The following FBN2 variants were observed in gnomAD, a reference collection of about 807,000 sequenced individuals.
The protein encoded by FBN2 is fibrillin 2.
FBN2 carries 105 observed loss-of-function variants against 355.6 expected under a neutral mutation model. That is an observed-to-expected ratio of 0.30 (90% CI 0.25 to 0.35). FBN2 has a LOEUF of 0.35. FBN2 is among the 10% of genes least tolerant of loss of function. The pLI, the probability that FBN2 is intolerant of heterozygous loss-of-function variation, is 1.00. For synonymous variants in FBN2, 1,350 were observed against 1,301.2 expected (o/e 1.04, Z -0.81); for missense variants, 3,280 against 3,758.7 (o/e 0.87, Z 3.33).
intron 7 of FBN2, among the ~76,000 whole-genome samples, chr5:128,445,871 C>T (rs889972908): frequency 4.6e-5 from 7 of 152,140 alleles, no homozygotes; most frequent in African/African-American, 1.2e-4. Flanking sequence ...TTAAGAACTG[C>T]TAATGGAATT....
intron 6 of FBN2, among the ~76,000 whole-genome samples, chr5:128,455,311 C>T (rs1754351171): frequency 1.3e-5 from 2 of 152,128 alleles, no homozygotes; most frequent in South Asian, 4.2e-4. Flanking sequence ...TATGAGTTAA[C>T]TTTGGTCCTT....
intron 27 of FBN2, among the ~76,000 whole-genome samples, chr5:128,336,436 A>G (rs1750845455): frequency 6.6e-6 from 1 of 152,230 alleles, no homozygotes; most frequent in African/African-American, 2.4e-5. Context: ...CTGAATTTAC[A>G]TAGCCACATA....
intron 4 of FBN2, among the ~76,000 whole-genome samples, chr5:128,521,163 A>G (rs1035036369): frequency 6.6e-6 from 1 of 152,180 alleles, no homozygotes; most frequent in Admixed American, 6.5e-5. Context: ...TGGCACATAC[A>G]CACCATGGAA....
chr5:128,499,523 A>G (rs1439337360), intron 5 of FBN2, among the ~76,000 whole-genome samples: 1 of 152,094 alleles, frequency 6.6e-6, no homozygotes, highest in African/African-American at 2.4e-5. Flanking sequence ...GATTTTTAAA[A>G]ACTCCCTGGT....
At chr5:128,339,326 G>T in intron 25 of FBN2, 1 of 405,630 alleles carries the variant, frequency 2.5e-6, no homozygotes, top group East Asian at 5.5e-5. Context: ...CTTAGAAATC[G>T]TAACAGAAAA....
At chr5:128,311,167 GAA>G (rs3215046) in intron 39 of FBN2, 131 bp downstream of exon 39, 1,473 of 719,136 alleles carry the variant, frequency 2.0e-3, no homozygotes, top group Admixed American at 2.5e-3. Context: ...ACATTGATAT[GAA>G]AAAAAAAAAA....
At chr5:128,290,274 T>C (rs1340360776) in intron 50 of FBN2, among the ~76,000 whole-genome samples, 7 of 152,178 alleles carry the variant, frequency 4.6e-5, no homozygotes, top group Non-Finnish European at 5.9e-5. Context: ...GGAATTATCC[T>C]ATAATTTATG....
Position 128,377,867 on chromosome 5 carries a change from C to G in FBN2, c.1734G>C (p.Glu578Asp), listed in dbSNP as rs371046485. The change falls in exon 13 of 65, where the codon GAG becomes GAC. Residue 578 changes from glutamate to aspartate, a missense_variant. By Grantham distance (45) the Glu-to-Asp change is conservative (BLOSUM62 2). Transcript: ENST00000262464. ...TACAAAGAACCCCATTCTGGATGCA[C>G]TCATCAATATCTAGGAAGATTGAGA... ...PTKQACIDIDECIQNGVLCKN... is the reference protein window; with the variant it reads ...PTKQACIDIDDCIQNGVLCKN... 7.9e-5 allele frequency: 127 copies of G among 1,613,166 alleles called. No individual in the cohort carries two copies. In the Middle Eastern group the frequency reaches 1.6e-3, roughly 21 times the overall value.
Position 128,537,593 on chromosome 5 carries a change from C to T in FBN2, c.11G>A (p.Arg4Lys), listed in dbSNP as rs2112811246. 1.2e-6 allele frequency: 2 copies of T among 1,607,842 alleles called. No individual in the cohort carries two copies. The highest frequency in any genetic ancestry group is 2.2e-5 in the East Asian group (1 of 44,694). The change falls in exon 1 of 65, where the codon AGA becomes AAA. Residue 4 changes from arginine to lysine, a missense_variant. By Grantham distance (26) the Arg-to-Lys change is conservative. Transcript: ENST00000262464. MGR[R>K]RRLCLQLYFL... ...GTAGAGCTGGAGACACAGCCTCCGTCTTCTCCCCATCGCCGGCGCCGAAAG... is the reference window on the plus strand; with the variant it reads ...GTAGAGCTGGAGACACAGCCTCCGTTTTCTCCCCATCGCCGGCGCCGAAAG...
intron 33 of FBN2, 35 bp downstream of exon 33, chr5:128,330,538 A>G: frequency 6.2e-7 from 1 of 1,612,046 alleles, no homozygotes; most frequent in Non-Finnish European, 8.5e-7. Context: ...TTCTATGACC[A>G]TCCCGTCAGA....
chr5:128,355,358 C>A (rs1178427778), intron 20 of FBN2, among the ~76,000 whole-genome samples: 2 of 152,156 alleles, frequency 1.3e-5, no homozygotes, highest in Non-Finnish European at 1.5e-5. Context: ...AAATATTAAT[C>A]AAATGCATTG....
At position 128,290,751 on chromosome 5, in the gene FBN2, C is replaced by G. The variant is rs2126821236; in HGVS notation, c.6426G>C (p.Leu2142=). ...PGEGWGDPCE[L]CPKDDEVAFQ... The stretch of plus-strand genomic sequence containing the variant: ...TCTTACCTTCATCGTCTTTGGGGCA[C>G]AGCTCACAGGGGTCCCCCCAGCCCT... The change falls in exon 50 of 65, where the codon CTG becomes CTC. Residue 2142 remains leucine, a synonymous_variant. Transcript: ENST00000262464. 2 of 1,614,178 alleles carry G rather than the reference C, an allele frequency of 1.2e-6. No individual in the cohort carries two copies. The highest frequency in any genetic ancestry group is 1.1e-5 in the South Asian group (1 of 91,080).
chr5:128,330,199 CAAGTT>C (rs1750654846), intron 33 of FBN2, among the ~76,000 whole-genome samples: 1 of 152,142 alleles, frequency 6.6e-6, no homozygotes, highest in African/African-American at 2.4e-5. Flanking sequence ...TCAGGACAGA[CAAGTT>C]AAGTAATTCA....
chr5:128,475,290 C>A (rs1754980310), intron 5 of FBN2, among the ~76,000 whole-genome samples: 1 of 152,102 alleles, frequency 6.6e-6, no homozygotes, highest in South Asian at 2.1e-4. Flanking sequence ...CAGGGAAACC[C>A]ATATAACTTA....
rs1422851315 is a variant in FBN2, at chr5:128,392,121, A to C, written c.1500T>G (p.His500Gln). ...GTCCATTTAAACAAAGGTTAGCATG[A>C]TGCTTACAGATATCTATTGTCTGGT... The part of the protein sequence containing the change: ...ILNQTIDICK[H>Q]HANLCLNGRC... Residue 500 changes from histidine to glutamine, a missense_variant, in exon 11 of 65, where the codon CAT (histidine) becomes CAG (glutamine). Physicochemically the swap from His to Gln is conservative, Grantham distance 24 (BLOSUM62 0). Coordinates refer to ENST00000262464, the MANE Select transcript of FBN2 (RefSeq NM_001999.4). 14 of 1,613,560 alleles carry C rather than the reference A, an allele frequency of 8.7e-6. No homozygotes were observed. Among genetic ancestry groups the C allele is most frequent in the Non-Finnish European group, 1.2e-5 (14 of 1,179,680 alleles).
chr5:128,520,032 T>C (rs1320690827), intron 4 of FBN2, among the ~76,000 whole-genome samples: 1 of 152,140 alleles, frequency 6.6e-6, no homozygotes, highest in African/African-American at 2.4e-5. Flanking sequence ...AAAAAAGCTG[T>C]GTAAGCATAA....
At chr5:128,403,585 A>G (rs1554066768) in intron 8 of FBN2, among the ~76,000 whole-genome samples, 1 of 152,186 alleles carries the variant, frequency 6.6e-6, no homozygotes, top group Non-Finnish European at 1.5e-5. Flanking sequence ...TGTGCAAATT[A>G]GGTATTAATC....
At chr5:128,347,282 G>A (rs1183353426) in intron 23 of FBN2, among the ~76,000 whole-genome samples, 6 of 152,134 alleles carry the variant, frequency 3.9e-5, no homozygotes, top group African/African-American at 1.2e-4. Context: ...CAGCCAGGAA[G>A]AGCAATCCTG....
In FBN2 at chr5:128,330,646, C is replaced by T. The variant is rs191079204; in HGVS notation, c.4272G>A (p.Gln1424=). Residue 1424 remains glutamine (Q), a synonymous_variant, in exon 33 of 65, where the codon CAG becomes CAA. Coordinates refer to ENST00000262464, the MANE Select transcript of FBN2 (RefSeq NM_001999.4). ...GGTATGAGCCCGGGGTATTTACACA[C>T]TGAGCATTGATGCTACACTGGTGGG... ...NGTHQCSINA[Q]CVNTPGSYRC... is the part of the protein sequence containing the mutation. 2 of 1,613,948 alleles carry T rather than the reference C, an allele frequency of 1.2e-6. No individual in the cohort carries two copies. The highest frequency in any genetic ancestry group is 3.3e-5 in the Admixed American group (2 of 60,014).
Sources: gnomAD v4.1 joint callset for allele counts (sites outside exome capture counted in the v4.1 genomes callset) on GRCh38, gnomAD v4.1.1 for gene constraint, MANE v1.5 for transcripts, NCBI Gene and HGNC (gene_info 2026-07-23, HGNC 2026-07-21) for gene names.